Variants in UBE2H observed in about 807,000 individuals in gnomAD.
UBE2H encodes the protein ubiquitin-conjugating enzyme E2 H.
A neutral mutation model predicts 29.0 loss-of-function variants in UBE2H; 3 were observed. That is an observed-to-expected ratio of 0.10 (90% CI 0.05 to 0.27). The LOEUF is 0.27. Among genes scored for constraint, UBE2H ranks in the 10% least tolerant of loss-of-function variants. The probability of loss-of-function intolerance (pLI) is 1.00; values close to 1 mark genes in which losing one functional copy is unlikely to be tolerated. For synonymous variants in UBE2H, 69 were observed against 82.9 expected, an observed-to-expected ratio of 0.83 and a Z score of 0.91; for missense variants, 68 against 228.2, an observed-to-expected ratio of 0.30 and a Z score of 4.52.
intron 5 of UBE2H, among the ~76,000 whole-genome samples, chr7:129,853,942 G>A (rs532969913): frequency 5.2e-4 from 79 of 152,162 alleles, no homozygotes; most frequent in Non-Finnish European, 9.4e-4. Flanking sequence ...CTCCCTCATC[G>A]AATCTACAGC....
chr7:129,897,061 C>T (rs577469974), intron 1 of UBE2H, among the ~76,000 whole-genome samples: 1 of 152,150 alleles, frequency 6.6e-6, no homozygotes, highest in African/African-American at 2.4e-5. Context: ...CTTCCTCTTA[C>T]ATTACATTCA....
In UBE2H at chr7:129,903,913, A is replaced by T. The variant is rs76638101; in HGVS notation, c.54-22942T>A. Reference sequence around the variant, plus strand: ...AGTGACACCCTGTCTCTTAAAAAATAATAAGTTCTAGGTTATCTTTCAATC... The same window carrying T: ...AGTGACACCCTGTCTCTTAAAAAATTATAAGTTCTAGGTTATCTTTCAATC... On this transcript the variant is annotated intron_variant, in intron 1 of 6. Transcript: ENST00000355621. Among the ~76,000 whole-genome samples the T allele has an allele frequency of 3.3e-4, 50 of 152,322 alleles. 1 individual carries two copies. The East Asian group carries it at 9.4e-3, about 29-fold the overall frequency.
At chr7:129,848,879 A>G (rs1805559655) in intron 5 of UBE2H, among the ~76,000 whole-genome samples, 1 of 147,942 alleles carries the variant, frequency 6.8e-6, no homozygotes, top group African/African-American at 2.5e-5. Flanking sequence ...GGGCAAATAA[A>G]TTAAGATCTC....
intron 3 of UBE2H, chr7:129,865,126 A>G: frequency 2.5e-6 from 1 of 399,574 alleles, no homozygotes. Flanking sequence ...TTAAAAAATA[A>G]AAAGTACAGA....
chr7:129,873,886 C>T (rs1271354353), intron 3 of UBE2H, among the ~76,000 whole-genome samples: 1 of 152,148 alleles, frequency 6.6e-6, no homozygotes, highest in Non-Finnish European at 1.5e-5. Flanking sequence ...AAATTGCAAC[C>T]CAGAGGCAAT....
chr7:129,889,159 C>T (rs1040299989), intron 1 of UBE2H, among the ~76,000 whole-genome samples: 1 of 152,196 alleles, frequency 6.6e-6, no homozygotes, highest in African/African-American at 2.4e-5. Flanking sequence ...ATCTGGCAAA[C>T]AGGGAAACAG....
intron 1 of UBE2H, among the ~76,000 whole-genome samples, chr7:129,940,904 A>C (rs149883359): frequency 1.3e-5 from 2 of 152,358 alleles, no homozygotes; most frequent in East Asian, 3.9e-4. Context: ...CTGTGTTTTC[A>C]AAAGTTTCTA....
intron 1 of UBE2H, among the ~76,000 whole-genome samples, chr7:129,888,221 T>C (rs1584766870): frequency 1.3e-5 from 2 of 152,116 alleles, no homozygotes; most frequent in Admixed American, 6.5e-5. Context: ...AAAAGAGAAA[T>C]TGAATGGCAG....
At chr7:129,835,503 T>C (rs1237901387) in intron 6 of UBE2H, among the ~76,000 whole-genome samples, 1 of 152,170 alleles carries the variant, frequency 6.6e-6, no homozygotes, top group Non-Finnish European at 1.5e-5. Context: ...GGTCTATTAT[T>C]TTAGGAATCG....
At chr7:129,854,060 G>GGTTTTTTTTTTTTTTTTTATTTAT (rs1554430936) in intron 5 of UBE2H, among the ~76,000 whole-genome samples, 2 of 100,312 alleles carry the variant, frequency 2.0e-5, no homozygotes, top group East Asian at 2.7e-4. Flanking sequence ...TTTAGTGTTA[G>GGTTTTTTTTTTTTTTTTTATTTAT]TTTTTTTTTT....
chr7:129,910,455 C>A (rs566632235), intron 1 of UBE2H, among the ~76,000 whole-genome samples: 1 of 152,054 alleles, frequency 6.6e-6, no homozygotes, highest in Admixed American at 6.5e-5. Context: ...TATCTTTGAC[C>A]GATGGTAGGA....
intron 3 of UBE2H, among the ~76,000 whole-genome samples, chr7:129,870,161 C>T (rs977482818): frequency 2.0e-5 from 3 of 152,158 alleles, no homozygotes; most frequent in Admixed American, 6.5e-5. Flanking sequence ...TTCCCCTCTT[C>T]TCAAACACCA....
chr7:129,893,047 T>C (rs1806528585), intron 1 of UBE2H, among the ~76,000 whole-genome samples: 1 of 152,228 alleles, frequency 6.6e-6, no homozygotes, highest in African/African-American at 2.4e-5. Flanking sequence ...GGCAACTTAC[T>C]ATGGTACCCT....
At chr7:129,944,592 A>G (rs1176768517) in intron 1 of UBE2H, among the ~76,000 whole-genome samples, 1 of 152,002 alleles carries the variant, frequency 6.6e-6, no homozygotes, top group African/African-American at 2.4e-5. Flanking sequence ...CATCTCTACA[A>G]AAAAAATAAA....
At chr7:129,910,379 G>A (rs768096150) in intron 1 of UBE2H, among the ~76,000 whole-genome samples, 2 of 151,916 alleles carry the variant, frequency 1.3e-5, no homozygotes, top group Non-Finnish European at 2.9e-5. Flanking sequence ...AAGGGACTCT[G>A]TAGAAGAGTT....
At chr7:129,862,938 G>A (rs1031130732) in intron 3 of UBE2H, among the ~76,000 whole-genome samples, 3 of 152,194 alleles carry the variant, frequency 2.0e-5, no homozygotes, top group Admixed American at 2.0e-4. Flanking sequence ...GAGTGCTGGG[G>A]AATGGCAGAT....
intron 1 of UBE2H, among the ~76,000 whole-genome samples, chr7:129,906,242 G>A (rs1411149887): frequency 7.0e-6 from 1 of 141,914 alleles, no homozygotes; most frequent in Non-Finnish European, 1.5e-5. Flanking sequence ...GTCTTGCTCT[G>A]TTGCCCAGGC....
intron 3 of UBE2H, among the ~76,000 whole-genome samples, chr7:129,874,852 A>C (rs1298097984): frequency 6.6e-6 from 1 of 152,224 alleles, no homozygotes; most frequent in Non-Finnish European, 1.5e-5. Context: ...AGTTGCGCGT[A>C]AAGACAGTAT....
intron 3 of UBE2H, among the ~76,000 whole-genome samples, chr7:129,868,901 A>C (rs1805970098): frequency 6.8e-6 from 1 of 147,918 alleles, no homozygotes; most frequent in Non-Finnish European, 1.5e-5. Context: ...GACAATATAG[A>C]CCATACTCCT....
Sources: allele counts gnomAD v4.1 joint callset (sites outside exome capture counted in the v4.1 genomes callset), GRCh38; gene constraint gnomAD v4.1.1; transcripts MANE v1.5; gene names NCBI Gene and HGNC (gene_info 2026-07-23, HGNC 2026-07-21).